Variants in RANBP17 observed in about 807,000 individuals in gnomAD.
The protein encoded by RANBP17 is RAN binding protein 17.
A neutral mutation model predicts 141.2 loss-of-function variants in RANBP17; 158 were observed. The ratio of observed to expected loss-of-function variants is 1.12; its 90% CI spans 0.98 to 1.28. The LOEUF (loss-of-function observed/expected upper bound fraction) is 1.28. Ranked by LOEUF, RANBP17 falls within the 50% of genes most tolerant of loss-of-function variation. The probability of loss-of-function intolerance (pLI) is 0.00; values close to 1 mark genes in which losing one functional copy is unlikely to be tolerated. For missense variants in RANBP17, 1,438 were observed against 1,290.7 expected, an observed-to-expected ratio of 1.11 and a Z score of -1.75; for synonymous variants, 430 against 450.0, an observed-to-expected ratio of 0.96 and a Z score of 0.56.
intron 24 of RANBP17, among the ~76,000 whole-genome samples, chr5:171,260,939 C>T (rs549554855): frequency 1.3e-5 from 2 of 151,798 alleles, no homozygotes; most frequent in South Asian, 2.1e-4. Flanking sequence ...ATTAATAAAA[C>T]GTATATAAAG....
intron 14 of RANBP17, among the ~76,000 whole-genome samples, chr5:171,159,859 C>T (rs562036454): frequency 5.1e-5 from 7 of 137,620 alleles, no homozygotes; most frequent in African/African-American, 1.9e-4. Context: ...GGAGGCAGAG[C>T]TTGCGGTGAG....
At chr5:170,935,637 C>T (rs954797942) in intron 12 of RANBP17, among the ~76,000 whole-genome samples, 1 of 152,004 alleles carries the variant, frequency 6.6e-6, no homozygotes, top group Non-Finnish European at 1.5e-5. Context: ...ATGTTGCTGC[C>T]TAATCCTTCC....
In RANBP17 at chr5:171,013,554, T is replaced by C. The variant is rs554231508; in HGVS notation, c.1710+45177T>C. ...TTCTTCCATTTAATTATCTTGGCCTTTTTTGAGGAAATCAATTAACTATAT... is the reference window on the plus strand; with the variant it reads ...TTCTTCCATTTAATTATCTTGGCCTCTTTTGAGGAAATCAATTAACTATAT... On this transcript the variant is annotated intron_variant, in intron 14 of 27. Coordinates refer to ENST00000523189, the MANE Select transcript of RANBP17 (RefSeq NM_022897.5). 9.2e-5 allele frequency among the ~76,000 whole-genome samples: 14 copies of C among 152,282 alleles called. No homozygotes were observed. The South Asian group carries it at 2.9e-3, about 32-fold the overall frequency.
chr5:171,260,521 G>A (rs1766240261), intron 24 of RANBP17, among the ~76,000 whole-genome samples: 1 of 151,680 alleles, frequency 6.6e-6, no homozygotes, highest in Admixed American at 6.6e-5. Flanking sequence ...GGGGGCAAGG[G>A]AGAGGATGAA....
intron 18 of RANBP17, among the ~76,000 whole-genome samples, chr5:171,186,638 G>T (rs925068344): frequency 1.5e-5 from 2 of 131,538 alleles, no homozygotes; most frequent in Non-Finnish European, 3.1e-5. Flanking sequence ...CCGGGTTCAC[G>T]CCATTCTCCT....
intron 21 of RANBP17, among the ~76,000 whole-genome samples, chr5:171,218,077 C>T (rs1210218302): frequency 2.0e-5 from 3 of 152,174 alleles, no homozygotes; most frequent in Non-Finnish European, 4.4e-5. Context: ...CCCAGAGATT[C>T]TAGTACGTTG....
chr5:170,971,990 G>T (rs976888405), intron 14 of RANBP17, among the ~76,000 whole-genome samples: 1 of 151,954 alleles, frequency 6.6e-6, no homozygotes, highest in African/African-American at 2.4e-5. Context: ...GTATATTTTT[G>T]AGTTAAACAT....
At chr5:170,922,815 G>A (rs1772585160) in intron 11 of RANBP17, among the ~76,000 whole-genome samples, 1 of 152,108 alleles carries the variant, frequency 6.6e-6, no homozygotes, top group Non-Finnish European at 1.5e-5. Flanking sequence ...CTTGCCCTCC[G>A]TGGGCTGCAC....
chr5:171,077,798 G>A lies in RANBP17; in HGVS notation c.1711-92332G>A, dbSNP rs1018797951. 2.6e-5 allele frequency among the ~76,000 whole-genome samples: 4 copies of A among 152,166 alleles called. No homozygotes were observed. The South Asian group carries it at 8.3e-4, about 32-fold the overall frequency. ...GAACATACAAATGATAAGTGAAGTA[G>A]CCTTATTGCTGGTATGGAGAAAATT... On this transcript the variant is annotated intron_variant, in intron 14 of 27. Transcript: ENST00000523189.
At chr5:171,189,180 C>T (rs186266547) in intron 18 of RANBP17, among the ~76,000 whole-genome samples, 1 of 152,076 alleles carries the variant, frequency 6.6e-6, no homozygotes, top group Admixed American at 6.5e-5. Flanking sequence ...CAATATAAGT[C>T]AGTTGAATCT....
chr5:171,263,274 C>T (rs1766452007), intron 24 of RANBP17, among the ~76,000 whole-genome samples: 1 of 152,174 alleles, frequency 6.6e-6, no homozygotes, highest in Non-Finnish European at 1.5e-5. Context: ...TACCTGCTCA[C>T]CATTTTAACT....
At chr5:171,275,933 C>T (rs1767459459) in intron 25 of RANBP17, among the ~76,000 whole-genome samples, 1 of 152,142 alleles carries the variant, frequency 6.6e-6, no homozygotes, top group Non-Finnish European at 1.5e-5. Flanking sequence ...TTAGGCAAGG[C>T]AGCTGGTATA....
At chr5:171,126,357 C>T (rs1756470518) in intron 14 of RANBP17, among the ~76,000 whole-genome samples, 1 of 151,980 alleles carries the variant, frequency 6.6e-6, no homozygotes, top group Non-Finnish European at 1.5e-5. Context: ...TAACCTCCTA[C>T]ATCAAAAAAG....
chr5:171,166,828 C>G (rs1430399751), intron 14 of RANBP17, among the ~76,000 whole-genome samples: 1 of 152,018 alleles, frequency 6.6e-6, no homozygotes, highest in South Asian at 2.1e-4. Flanking sequence ...TTTAAATGAC[C>G]CTGTCACACA....
chr5:171,040,521 GTTTA>G (rs1371518269), intron 14 of RANBP17, among the ~76,000 whole-genome samples: 1 of 152,054 alleles, frequency 6.6e-6, no homozygotes, highest in African/African-American at 2.4e-5. Flanking sequence ...AGTCTTGTTC[GTTTA>G]TTTATTTAGG....
At chr5:170,884,885 T>C (rs1209769987) in intron 3 of RANBP17, among the ~76,000 whole-genome samples, 1 of 137,820 alleles carries the variant, frequency 7.3e-6, no homozygotes, top group Non-Finnish European at 1.6e-5. Context: ...TGGCACTGGT[T>C]CAGAAGCACT....
At chr5:170,982,391 A>G (rs866638575) in intron 14 of RANBP17, among the ~76,000 whole-genome samples, 6 of 152,330 alleles carry the variant, frequency 3.9e-5, no homozygotes, top group Admixed American at 2.0e-4. Context: ...AGAAAACCTC[A>G]TATGAAAACC....
intron 3 of RANBP17, among the ~76,000 whole-genome samples, chr5:170,884,642 A>T (rs1467816321): frequency 6.6e-6 from 1 of 152,042 alleles, no homozygotes; most frequent in Non-Finnish European, 1.5e-5. Flanking sequence ...GTATAACCTT[A>T]TGGAAATACA....
intron 24 of RANBP17, among the ~76,000 whole-genome samples, chr5:171,243,242 C>A (rs1174244225): frequency 6.6e-6 from 1 of 152,138 alleles, no homozygotes; most frequent in Admixed American, 6.5e-5. Context: ...CAATAGTTTT[C>A]TTTTCCAGAA....
Sources: gnomAD v4.1 joint callset for allele counts (sites outside exome capture counted in the v4.1 genomes callset) on GRCh38, gnomAD v4.1.1 for gene constraint, MANE v1.5 for transcripts, NCBI Gene and HGNC (gene_info 2026-07-23, HGNC 2026-07-21) for gene names.